The following SLC7A10 variants were observed in gnomAD, a reference collection of about 807,000 sequenced individuals.
SLC7A10 encodes the protein asc-type amino acid transporter 1.
Under a neutral mutation model 52.7 loss-of-function variants are expected in SLC7A10, and 30 were observed. The ratio of observed to expected loss-of-function variants is 0.57; its 90% CI spans 0.43 to 0.77. The LOEUF (loss-of-function observed/expected upper bound fraction) is 0.77. SLC7A10 is among the 30% of genes least tolerant of loss of function. The probability of loss-of-function intolerance (pLI) is 0.00; values close to 1 mark genes in which losing one functional copy is unlikely to be tolerated. For synonymous variants in SLC7A10, 318 were observed against 314.9 expected (o/e 1.01, Z -0.10); for missense variants, 581 against 698.5 (o/e 0.83, Z 1.90).
intron 3 of SLC7A10, 102 bp from the exon 4 acceptor site, chr19:33,212,741 A>T: frequency 6.2e-7 from 1 of 1,607,022 alleles, no homozygotes; most frequent in Non-Finnish European, 8.5e-7. Context: ...CCCCTATAGC[A>T]GCTGGAATTT....
Position 33,211,460 on chromosome 19 carries a change from G to A in SLC7A10, c.866C>T (p.Thr289Met), listed in dbSNP as rs775492144. The A allele has an allele frequency of 1.3e-5, 21 of 1,613,964 alleles. No individual in the cohort carries two copies. The highest frequency in any genetic ancestry group is 1.2e-4 in the African/African-American group (9 of 74,928). Residue 289 changes from threonine (T) to methionine (M), a missense_variant, in exon 6 of 11, where the codon ACG becomes ATG. Thr to Met is a moderately conservative substitution (Grantham distance 81). Transcript: ENST00000253188. Reference sequence around the variant, plus strand: ...GAGCAGCTCCTGGGGGGACATGGCCGTGAAGTAGGCAATGTTGGTGAACGT... The same window carrying A: ...GAGCAGCTCCTGGGGGGACATGGCCATGAAGTAGGCAATGTTGGTGAACGT... ...VYTFTNIAYF[T>M]AMSPQELLSS... is the part of the protein sequence containing the mutation.
Position 33,225,542 on chromosome 19 carries a change from G to C in SLC7A10, c.151+11C>G. The C allele has an allele frequency of 3.1e-6, 5 of 1,596,128 alleles. No individual in the cohort carries two copies. Among genetic ancestry groups the C allele is most frequent in the Non-Finnish European group, 3.4e-6 (4 of 1,179,148 alleles). ...CTCCGCCCGGCGCCCGCCCGCCTGG[G>C]TCCCGCTCACCGATGATGATGGTGC... On this transcript the variant is annotated intron_variant, in intron 1 of 10. Transcript: ENST00000253188.
rs1974525651 is a variant in SLC7A10, at chr19:33,210,679, G to A, written c.1114-63C>T. On this transcript the variant is annotated intron_variant, in intron 8 of 10. Coordinates refer to ENST00000253188, the MANE Select transcript of SLC7A10 (RefSeq NM_019849.3). The surrounding 1 kb of genome is among the most constrained non-coding windows in gnomAD (Gnocchi z 5.6). The stretch of plus-strand genomic sequence containing the variant: ...CTGCCTCCTGACGCCCCTGCAGGAT[G>A]AGCCCTGGCCCCACCCCCAACCCCC... 5.0e-6 allele frequency: 8 copies of A among 1,608,892 alleles called. No homozygotes were observed. The highest frequency in any genetic ancestry group is 3.3e-5 in the South Asian group (3 of 90,948).
intron 9 of SLC7A10, 82 bp from the exon 10 acceptor site, chr19:33,209,567 T>A (rs1468072189): frequency 4.1e-6 from 6 of 1,458,354 alleles, no homozygotes; most frequent in Non-Finnish European, 5.6e-6. Context: ...CTGGGGAATT[T>A]TCCTCCCTTC....
chr19:33,219,855 G>C (rs563658763), intron 1 of SLC7A10: 1 of 152,428 alleles, frequency 6.6e-6, no homozygotes, highest in Admixed American at 6.5e-5. Context: ...CTGGATGATG[G>C]CTGGGAAGGG....
At chr19:33,219,527 T>C (rs1388971907) in intron 1 of SLC7A10, among the ~76,000 whole-genome samples, 3 of 152,330 alleles carry the variant, frequency 2.0e-5, no homozygotes, top group East Asian at 3.9e-4. Flanking sequence ...TCCTCATGCC[T>C]TGAAGCACAT....
intron 1 of SLC7A10, among the ~76,000 whole-genome samples, chr19:33,219,546 C>A (rs543667944): frequency 6.6e-6 from 1 of 152,218 alleles, no homozygotes; most frequent in Non-Finnish European, 1.5e-5. Context: ...ATTCTGGACC[C>A]GACTGTGTGA....
chr19:33,223,796 G>A (rs1230832740), intron 1 of SLC7A10, among the ~76,000 whole-genome samples: 1 of 152,132 alleles, frequency 6.6e-6, no homozygotes, highest in Non-Finnish European at 1.5e-5. Context: ...CCAAGGTAGT[G>A]GACCTGGCAC....
rs781581589 is a variant in SLC7A10, at chr19:33,209,463, G to A, written c.1286C>T (p.Ala429Val). ...CAGGAAGGCCCAGAAGACCAAGTAC[G>A]CCACGGGGATGAGAAGGTTCACCTG... ...PIKVNLLIPV[A>V]YLVFWAFLLV... is the part of the protein sequence containing the mutation. Residue 429 changes from alanine to valine, a missense_variant, in exon 10 of 11, where the codon GCG (alanine) becomes GTG (valine). Physicochemically the swap from Ala to Val is moderately conservative, Grantham distance 64 (BLOSUM62 0). Transcript: ENST00000253188. 9.3e-6 allele frequency: 15 copies of A among 1,613,790 alleles called. No individual in the cohort carries two copies. The highest frequency in any genetic ancestry group is 1.2e-5 in the Non-Finnish European group (14 of 1,179,986).
Position 33,212,287 on chromosome 19 carries a change from C to G in SLC7A10, c.788+5G>C. The G allele has an allele frequency of 6.3e-7, 1 of 1,599,894 alleles. No homozygotes were observed. Among genetic ancestry groups the G allele is most frequent in the Non-Finnish European group, 8.5e-7 (1 of 1,173,974 alleles). ...TCCCAGGGCCCAGTTGGGGGCCCCA[C>G]TCACTTTCGGGCGTCAACCATCTCC... On this transcript the variant is annotated splice_donor_5th_base_variant and intron_variant, in intron 5 of 10. Coordinates refer to ENST00000253188, the MANE Select transcript of SLC7A10 (RefSeq NM_019849.3).
intron 5 of SLC7A10, chr19:33,211,948 C>T: frequency 2.1e-6 from 1 of 484,666 alleles, no homozygotes; most frequent in Non-Finnish European, 3.8e-6. Context: ...CCTGGCCGAG[C>T]ATCAGACGCA....
intron 7 of SLC7A10, 144 bp downstream of exon 7, chr19:33,211,081 C>T (rs986417266): frequency 1.0e-5 from 10 of 983,544 alleles, no homozygotes; most frequent in Non-Finnish European, 1.6e-5. Flanking sequence ...TGATCAGACA[C>T]TTGTTACCGT....
rs774057694 is a variant in SLC7A10, at chr19:33,209,489, G to A, written c.1264-4C>T. The A allele has an allele frequency of 2.5e-6, 4 of 1,613,564 alleles. No individual in the cohort carries two copies. The highest frequency in any genetic ancestry group is 3.4e-6 in the Non-Finnish European group (4 of 1,179,930). On this transcript the variant is annotated splice_region_variant and splice_polypyrimidine_tract_variant and intron_variant, in intron 9 of 10. Transcript: ENST00000253188. Reference sequence around the variant, plus strand: ...CCACGGGGATGAGAAGGTTCACCTGGGGAAGGGGGAGCAGAAACACCGATG... The same window carrying A: ...CCACGGGGATGAGAAGGTTCACCTGAGGAAGGGGGAGCAGAAACACCGATG...
Position 33,209,301 on chromosome 19 carries a change from G to A in SLC7A10, c.1441+7C>T, listed in dbSNP as rs370189467. ...TGTGCTGGGTGACCTGCAGCTGCCC[G>A]GCTCACCTGTGAGTCTGTGCACACA... On this transcript the variant is annotated splice_region_variant and intron_variant, in intron 10 of 10. Transcript: ENST00000253188. 9.9e-6 allele frequency: 16 copies of A among 1,613,666 alleles called. No individual in the cohort carries two copies. The highest frequency in any genetic ancestry group is 9.3e-5 in the African/African-American group (7 of 74,912).
chr19:33,218,545 T>C (rs751738026), intron 1 of SLC7A10, among the ~76,000 whole-genome samples: 26 of 150,906 alleles, frequency 1.7e-4, no homozygotes, highest in Non-Finnish European at 3.3e-4. Context: ...GGTGGGGCAC[T>C]GCATGGAGCA....
rs771261348 is a variant in SLC7A10 at position 33,225,609 on chromosome 19, T to A, written c.95A>T (p.Glu32Val). 6.3e-7 allele frequency: 1 copy of A among 1,594,698 alleles called. No individual in the cohort carries two copies. The highest frequency in any genetic ancestry group is 1.7e-5 in the Admixed American group (1 of 59,818). Residue 32 changes from glutamate (E) to valine (V), a missense_variant, in exon 1 of 11, where the codon GAG becomes GTG. Transcript: ENST00000253188. Reference protein sequence around the residue: ...PVPGTVPGASERVALKKEIGL... With the variant: ...PVPGTVPGASVRVALKKEIGL... ...GATCTCCTTCTTGAGCGCCACCCGC[T>A]CCGAGGCGCCGGGGACGGTCCCTGG...
chr19:33,218,992 G>T (rs1055295565), intron 1 of SLC7A10, among the ~76,000 whole-genome samples: 32 of 152,056 alleles, frequency 2.1e-4, no homozygotes, highest in African/African-American at 7.7e-4. Flanking sequence ...CAGGAACTCA[G>T]AGTGGAACAG....
chr19:33,219,460 C>T (rs1974767907), intron 1 of SLC7A10, among the ~76,000 whole-genome samples: 1 of 152,092 alleles, frequency 6.6e-6, no homozygotes, highest in African/African-American at 2.4e-5. Flanking sequence ...GGGGAATGTG[C>T]AGTCTGATTT....
At chr19:33,218,811 C>T (rs977724814) in intron 1 of SLC7A10, among the ~76,000 whole-genome samples, 1 of 149,456 alleles carries the variant, frequency 6.7e-6, no homozygotes, top group African/African-American at 2.4e-5. Flanking sequence ...AGCCACCACA[C>T]CTGGCCAGAT....
Sources: allele counts gnomAD v4.1 joint callset (sites outside exome capture counted in the v4.1 genomes callset), GRCh38; gene constraint gnomAD v4.1.1; non-coding constraint Gnocchi (gnomAD v3.1); transcripts MANE v1.5; gene names NCBI Gene and HGNC (gene_info 2026-07-23, HGNC 2026-07-21).